Variants in MTMR6 observed in about 807,000 individuals in gnomAD.
The protein encoded by MTMR6 is phosphatidylinositol-3,5-bisphosphate 3-phosphatase MTMR6.
A neutral mutation model predicts 80.1 loss-of-function variants in MTMR6; 47 were observed. That is an observed-to-expected ratio of 0.59 (90% CI 0.46 to 0.75). MTMR6 has a LOEUF of 0.75. Ranked by LOEUF, MTMR6 falls within the 30% of genes least tolerant of loss-of-function variation. MTMR6 has a pLI of 0.00. For missense variants in MTMR6, 629 were observed against 730.9 expected, an observed-to-expected ratio of 0.86 and a Z score of 1.61; for synonymous variants, 254 against 253.0, an observed-to-expected ratio of 1.00 and a Z score of -0.04.
At chr13:25,282,142 T>C (rs1028876155) in intron 1 of MTMR6, among the ~76,000 whole-genome samples, 1 of 152,106 alleles carries the variant, frequency 6.6e-6, no homozygotes, top group Non-Finnish European at 1.5e-5. Flanking sequence ...GCCCCTGTTG[T>C]TCCCTTTGTT....
intron 1 of MTMR6, among the ~76,000 whole-genome samples, chr13:25,285,497 C>T (rs1224719466): frequency 6.6e-6 from 1 of 150,714 alleles, no homozygotes; most frequent in Non-Finnish European, 1.5e-5. Context: ...CTCAGCCTCC[C>T]GAGTAGCTGG....
chr13:25,282,532 T>A (rs1957874245), intron 1 of MTMR6, among the ~76,000 whole-genome samples: 1 of 152,030 alleles, frequency 6.6e-6, no homozygotes, highest in African/African-American at 2.4e-5. Context: ...CCTTCCCATC[T>A]GTGCTTCACC....
At chr13:25,260,471 A>G (rs540647769) in intron 6 of MTMR6, 10 of 536,320 alleles carry the variant, frequency 1.9e-5, no homozygotes, top group South Asian at 6.7e-5. Flanking sequence ...TGGTTTCTAA[A>G]TTATCTTTTG....
chr13:25,254,490 GC>G (rs1957152372), intron 9 of MTMR6, 56 bp from the exon 10 acceptor site: 1 of 1,150,414 alleles, frequency 8.7e-7, no homozygotes, highest in Non-Finnish European at 1.3e-6. Flanking sequence ...TTTTGTTTAG[GC>G]TGGATTAAAT....
intron 3 of MTMR6, 131 bp downstream of exon 3, chr13:25,267,648 A>AG (rs1462850914): frequency 6.1e-6 from 5 of 816,004 alleles, no homozygotes; most frequent in Non-Finnish European, 9.3e-6. Context: ...AATATGGGGG[A>AG]GATAGAGTAC....
chr13:25,275,546 C>T (rs1384189849), intron 1 of MTMR6, among the ~76,000 whole-genome samples: 1 of 151,416 alleles, frequency 6.6e-6, no homozygotes, highest in African/African-American at 2.4e-5. Flanking sequence ...ATTAATTCTA[C>T]AATTTTCTCC....
At chr13:25,270,539 A>G (rs1388715098) in intron 2 of MTMR6, among the ~76,000 whole-genome samples, 4 of 152,192 alleles carry the variant, frequency 2.6e-5, no homozygotes, top group Non-Finnish European at 1.5e-5. Flanking sequence ...GAGATGGATA[A>G]TAGAGAAAAT....
At chr13:25,275,178 G>A (rs1957691714) in intron 1 of MTMR6, among the ~76,000 whole-genome samples, 1 of 152,158 alleles carries the variant, frequency 6.6e-6, no homozygotes, top group Non-Finnish European at 1.5e-5. Flanking sequence ...TGTAATCCCA[G>A]CACTTTGGGA....
chr13:25,267,870 C>G lies in MTMR6; in HGVS notation c.213G>C (p.Gln71His). Residue 71 changes from glutamine (Q) to histidine (H), a missense_variant, in exon 3 of 14, where the codon CAG (glutamine) becomes CAC (histidine). Transcript: ENST00000381801. ...AATGCACAGTTCTGAAGTTCTTGCA[C>G]TGTATCACAAGGGGGCATCCAGAAG... ...LTTSGCPLVI[Q>H]CKNFRTVHFI... is the part of the protein sequence containing the mutation. The G allele has an allele frequency of 6.2e-7, 1 of 1,613,750 alleles. No homozygotes were observed. Among genetic ancestry groups the G allele is most frequent in the Non-Finnish European group, 8.5e-7 (1 of 1,179,770 alleles).
rs770766364 is a variant in MTMR6, at chr13:25,265,869, G to A, written c.541C>T (p.Arg181Trp). The A allele has an allele frequency of 5.0e-6, 8 of 1,613,744 alleles. No homozygotes were observed. The highest frequency in any genetic ancestry group is 6.8e-6 in the Non-Finnish European group (8 of 1,179,866). The change falls in exon 5 of 14, where the codon CGG becomes TGG. Residue 181 changes from arginine to tryptophan, a missense_variant. Physicochemically the swap from Arg to Trp is moderately radical, Grantham distance 101. Coordinates refer to ENST00000381801, the MANE Select transcript of MTMR6 (RefSeq NM_004685.5). ...KPIIVGSSKF[R>W]SKGRFPVLSY... ...AGAACTGGGAATCTTCCCTTGCTCC[G>A]GAACTTGGAACTACCAACAATTATT...
At position 25,249,088 on chromosome 13, in the gene MTMR6, A is replaced by C; in HGVS notation, c.*144T>G. 8.2e-6 allele frequency: 6 copies of C among 735,978 alleles called. No homozygotes were observed. Among genetic ancestry groups the C allele is most frequent in the Non-Finnish European group, 1.3e-5 (6 of 463,456 alleles). 45.6% of individuals were successfully genotyped at this position (735,978 alleles called of 1,614,324 possible). On this transcript the variant is annotated 3_prime_UTR_variant, in exon 14 of 14. Coordinates refer to ENST00000381801, the MANE Select transcript of MTMR6 (RefSeq NM_004685.5). ...AATGACTTATTTCTCTCACAAGGGT[A>C]GTTATTATCCTTCCTTCAACTATTA...
At chr13:25,281,549 C>G (rs1478984818) in intron 1 of MTMR6, among the ~76,000 whole-genome samples, 2 of 152,078 alleles carry the variant, frequency 1.3e-5, no homozygotes, top group Admixed American at 6.5e-5. Context: ...GCCTCTGGGA[C>G]AGGAAGGGAC....
At chr13:25,287,186 C>T (rs1366578296) in intron 1 of MTMR6, 38 bp downstream of exon 1, 2 of 1,584,694 alleles carry the variant, frequency 1.3e-6, no homozygotes, top group South Asian at 1.1e-5. Flanking sequence ...CGGGTCAGAG[C>T]AGGGCCCCTG....
chr13:25,275,493 C>T (rs538240838), intron 1 of MTMR6, among the ~76,000 whole-genome samples: 1 of 152,076 alleles, frequency 6.6e-6, no homozygotes, highest in East Asian at 1.9e-4. Flanking sequence ...TTTTTTAAAT[C>T]GTTTATATCT....
intron 1 of MTMR6, among the ~76,000 whole-genome samples, chr13:25,285,154 C>G (rs890191216): frequency 2.6e-5 from 4 of 152,010 alleles, no homozygotes; most frequent in African/African-American, 4.8e-5. Flanking sequence ...GGAGGAATAT[C>G]AGACAAAATG....
At chr13:25,284,131 T>C (rs942940818) in intron 1 of MTMR6, among the ~76,000 whole-genome samples, 1 of 152,210 alleles carries the variant, frequency 6.6e-6, no homozygotes. Flanking sequence ...TATTTATTTA[T>C]GACAAAAAGA....
At position 25,249,369 on chromosome 13, in the gene MTMR6, G is replaced by A. The variant is rs754381818; in HGVS notation, c.1729C>T (p.Pro577Ser). 8 of 1,614,112 alleles carry A rather than the reference G, an allele frequency of 5.0e-6. No homozygotes were observed. In the South Asian group the frequency reaches 7.7e-5, roughly 16 times the overall value. Residue 577 changes from proline (P) to serine (S), a missense_variant, in exon 14 of 14, where the codon CCC becomes TCC. Transcript: ENST00000381801. ...ATAGTTCGAAGAGCATCATTTACGG[G>A]TAGCAGAGTCTGCTCTTTAAAACAC... is the stretch of plus-strand genomic sequence containing the variant. ...SLCFKEQTLL[P>S]VNDALRTIEG... is the part of the protein sequence containing the mutation.
intron 1 of MTMR6, among the ~76,000 whole-genome samples, chr13:25,284,802 G>A (rs938710211): frequency 3.3e-5 from 5 of 152,104 alleles, no homozygotes; most frequent in African/African-American, 1.2e-4. Context: ...ACATGTTACA[G>A]TCCCCACAAC....
chr13:25,253,501 A>G (rs1031571631), intron 11 of MTMR6, among the ~76,000 whole-genome samples: 4 of 152,156 alleles, frequency 2.6e-5, no homozygotes, highest in Admixed American at 1.3e-4. Flanking sequence ...GTTTGGTAAG[A>G]TTTACTGAGC....
Sources: allele counts gnomAD v4.1 joint callset (sites outside exome capture counted in the v4.1 genomes callset), GRCh38; gene constraint gnomAD v4.1.1; transcripts MANE v1.5; gene names NCBI Gene and HGNC (gene_info 2026-07-23, HGNC 2026-07-21).